PYHIN1: variants seen among roughly 807,000 people sequenced by gnomAD.
PYHIN1 encodes pyrin and HIN domain family member 1.
PYHIN1 carries 32 observed loss-of-function variants against 43.7 expected under a neutral mutation model. The ratio of observed to expected loss-of-function variants is 0.73; its 90% CI spans 0.55 to 0.98. The LOEUF (loss-of-function observed/expected upper bound fraction) is 0.98, where lower values mean the gene tolerates loss of function less well. Ranked by LOEUF, PYHIN1 falls within the 50% of genes least tolerant of loss-of-function variation. The pLI is 0.00. For missense variants in PYHIN1, 588 were observed against 589.5 expected, an observed-to-expected ratio of 1.00 and a Z score of 0.03; for synonymous variants, 205 against 203.1, an observed-to-expected ratio of 1.01 and a Z score of -0.08.
chr1:158,953,120 G>A (rs1649669869), intron 7 of PYHIN1, among the ~76,000 whole-genome samples: 1 of 152,192 alleles, frequency 6.6e-6, no homozygotes, highest in South Asian at 2.1e-4. Flanking sequence ...GGGTCTCGCT[G>A]ATTGCTAGCA....
chr1:158,939,026 C>T, intron 3 of PYHIN1, 54 bp from the exon 4 acceptor site: 7 of 1,340,048 alleles, frequency 5.2e-6, no homozygotes, highest in Non-Finnish European at 7.1e-6. Context: ...TGAAAATGTG[C>T]TCTGCTTCAT....
intron 2 of PYHIN1, 83 bp downstream of exon 2, chr1:158,937,258 C>T: frequency 2.1e-6 from 3 of 1,403,194 alleles, no homozygotes; most frequent in Non-Finnish European, 2.9e-6. Flanking sequence ...TTGGTCGTAG[C>T]TGATACATCC....
chr1:158,977,589 A>T (rs759520014), downstream of PYHIN1, among the ~76,000 whole-genome samples: 4 of 152,128 alleles, frequency 2.6e-5, no homozygotes, highest in Non-Finnish European at 5.9e-5. Context: ...AGAATAATTA[A>T]TTTATTTTAG....
At chr1:158,986,822 G>A in the PYHIN1 span, among the ~76,000 whole-genome samples, 2 of 152,132 alleles carry the variant, frequency 1.3e-5, no homozygotes, top group Non-Finnish European at 2.9e-5. Context: ...CTGGAGTTCT[G>A]TCTCTGCCAA....
the PYHIN1 span, among the ~76,000 whole-genome samples, chr1:158,988,321 G>GT: frequency 6.6e-6 from 1 of 152,098 alleles, no homozygotes; most frequent in Non-Finnish European, 1.5e-5. Context: ...AATATAATGA[G>GT]TTTAAACTGG....
chr1:158,988,172 T>C, the PYHIN1 span, among the ~76,000 whole-genome samples: 1 of 152,164 alleles, frequency 6.6e-6, no homozygotes, highest in African/African-American at 2.4e-5. Flanking sequence ...CCACCCAGTT[T>C]GTGGTATTTT....
the PYHIN1 span, among the ~76,000 whole-genome samples, chr1:158,983,870 G>T: frequency 6.6e-6 from 1 of 151,944 alleles, no homozygotes; most frequent in Non-Finnish European, 1.5e-5. Context: ...ATCTTGGCAG[G>T]TTGTATGTTT....
intron 1 of PYHIN1, among the ~76,000 whole-genome samples, chr1:158,934,380 G>A (rs1648377977): frequency 6.6e-6 from 1 of 152,090 alleles, no homozygotes; most frequent in South Asian, 2.1e-4. Context: ...TTTTTGTTTA[G>A]CAATTTATAT....
intron 7 of PYHIN1, among the ~76,000 whole-genome samples, chr1:158,951,661 C>T (rs1649538052): frequency 6.6e-6 from 1 of 152,158 alleles, no homozygotes; most frequent in Admixed American, 6.5e-5. Context: ...GTAGTTAAAA[C>T]ATTTACTAGA....
At chr1:158,953,821 C>G (rs1257589694) in intron 7 of PYHIN1, among the ~76,000 whole-genome samples, 8 of 151,474 alleles carry the variant, frequency 5.3e-5, no homozygotes, top group African/African-American at 1.9e-4. Flanking sequence ...GGAGGACATT[C>G]AAACCAAAGG....
chr1:158,958,187 A>T (rs2101700021), intron 7 of PYHIN1, among the ~76,000 whole-genome samples: 1 of 151,848 alleles, frequency 6.6e-6, no homozygotes, highest in South Asian at 2.1e-4. Flanking sequence ...CCATTGTGGA[A>T]GTCAGTGTGG....
chr1:158,969,289 T>A (rs1311192794), intron 7 of PYHIN1, among the ~76,000 whole-genome samples: 1 of 152,008 alleles, frequency 6.6e-6, no homozygotes, highest in African/African-American at 2.4e-5. Flanking sequence ...GACTCACTAT[T>A]TCGTTCTTTC....
intron 7 of PYHIN1, among the ~76,000 whole-genome samples, chr1:158,958,609 G>C (rs1650114401): frequency 8.8e-6 from 1 of 114,232 alleles, no homozygotes; most frequent in Non-Finnish European, 1.7e-5. Flanking sequence ...ACTGTGGTGG[G>C]GTGGGGGGAG....
chr1:158,982,934 T>C, the PYHIN1 span, among the ~76,000 whole-genome samples: 1 of 152,142 alleles, frequency 6.6e-6, no homozygotes, highest in Non-Finnish European at 1.5e-5. Flanking sequence ...GGTTTGGCTT[T>C]CAGCTTGGGT....
chr1:158,944,930 A>C lies in PYHIN1; in HGVS notation c.1247A>C (p.Gln416Pro), dbSNP rs762187225. 1 of 1,613,726 alleles carries C rather than the reference A, an allele frequency of 6.2e-7. No homozygotes were observed. The highest frequency in any genetic ancestry group is 8.5e-7 in the Non-Finnish European group (1 of 1,179,762). Residue 416 changes from glutamine to proline, a missense_variant, in exon 7 of 9, where the codon CAG becomes CCG. Coordinates refer to ENST00000368140, the MANE Select transcript of PYHIN1 (RefSeq NM_152501.5). ...SHDSRSMALP[Q>P]EQSQHPKPSE... ...GACTCCAGGAGCATGGCACTACCCC[A>C]GGAACAGAGTCAGCATCCAAAACCT...
chr1:158,935,905 C>T (rs1361652343), intron 1 of PYHIN1, among the ~76,000 whole-genome samples: 1 of 152,076 alleles, frequency 6.6e-6, no homozygotes, highest in Non-Finnish European at 1.5e-5. Flanking sequence ...CACAGACCTC[C>T]CTCTAACACC....
At chr1:158,972,397 CATTT>C (rs1387717753) in intron 7 of PYHIN1, among the ~76,000 whole-genome samples, 1 of 151,878 alleles carries the variant, frequency 6.6e-6, no homozygotes, top group East Asian at 1.9e-4. Context: ...ATTTCTCATT[CATTT>C]ATTAAGTATA....
intron 1 of PYHIN1, among the ~76,000 whole-genome samples, chr1:158,935,487 G>A (rs1258782120): frequency 6.6e-6 from 1 of 152,088 alleles, no homozygotes; most frequent in African/African-American, 2.4e-5. Flanking sequence ...GAAAAATCAA[G>A]CAACTATTGA....
chr1:158,939,405 A>C (rs1648769493), intron 4 of PYHIN1, 158 bp downstream of exon 4: 3 of 1,565,350 alleles, frequency 1.9e-6, no homozygotes, highest in Non-Finnish European at 2.6e-6. Context: ...TTCCACAGGC[A>C]TATTTGATGA....
Sources: allele counts gnomAD v4.1 joint callset (sites outside exome capture counted in the v4.1 genomes callset), GRCh38; gene constraint gnomAD v4.1.1; transcripts MANE v1.5; gene names NCBI Gene and HGNC (gene_info 2026-07-23, HGNC 2026-07-21).